The following SPTBN4 variants were observed in gnomAD, a reference collection of about 807,000 sequenced individuals.
The protein encoded by SPTBN4 is spectrin beta, non-erythrocytic 4, also known as spectrin beta chain, non-erythrocytic 4.
In SPTBN4, 96 loss-of-function variants were observed where a neutral mutation model predicts 277.8. That is an observed-to-expected ratio of 0.35 (90% CI 0.29 to 0.41). The LOEUF is 0.41. Ranked by LOEUF, SPTBN4 falls within the 10% of genes least tolerant of loss-of-function variation. The pLI is 1.00. For missense variants in SPTBN4, 3,006 were observed against 3,595.7 expected, an observed-to-expected ratio of 0.84 and a Z score of 4.19; for synonymous variants, 1,481 against 1,580.3, an observed-to-expected ratio of 0.94 and a Z score of 1.49.
chr19:40,492,373 G>A (rs2080148482), intron 4 of SPTBN4, among the ~76,000 whole-genome samples: 1 of 152,126 alleles, frequency 6.6e-6, no homozygotes, highest in Non-Finnish European at 1.5e-5. Flanking sequence ...GGACATTGGA[G>A]TTGGGGATGT....
chr19:40,488,188 C>A (rs544910903), intron 3 of SPTBN4, among the ~76,000 whole-genome samples: 5 of 151,792 alleles, frequency 3.3e-5, no homozygotes, highest in South Asian at 4.2e-4. Flanking sequence ...AGGGACTGGC[C>A]CGGGTTATGA....
At chr19:40,569,967 CACACACAG>C (rs752063720) in intron 32 of SPTBN4, among the ~76,000 whole-genome samples, 62 of 120,500 alleles carry the variant, frequency 5.1e-4, no homozygotes, top group African/African-American at 1.2e-3. Context: ...CACACACACA[CACACACAG>C]ACACACACAC....
chr19:40,527,937 T>A (rs1288817170), intron 17 of SPTBN4, among the ~76,000 whole-genome samples: 1 of 151,110 alleles, frequency 6.6e-6, no homozygotes, highest in Non-Finnish European at 1.5e-5. Context: ...GCGCCTGTAA[T>A]CCCAGCTAGT....
intron 27 of SPTBN4, among the ~76,000 whole-genome samples, chr19:40,564,129 C>G (rs560895107): frequency 6.6e-6 from 1 of 151,804 alleles, no homozygotes; most frequent in Non-Finnish European, 1.5e-5. Flanking sequence ...CCTAGGCAGG[C>G]GGATCAACTG....
Position 40,472,630 on chromosome 19 carries a change from G to A in SPTBN4, c.9G>A (p.Gln3=), listed in dbSNP as rs747766613. ...AGGCCTCACCTTCCCCGATGGCGCA[G>A]GTACCAGGGGAAGTGGACAACATGG... MA[Q]VPGEVDNMEG... Residue 3 remains glutamine (Q), a synonymous_variant, in exon 2 of 36, where the codon CAG becomes CAA. Coordinates refer to ENST00000598249, the MANE Select transcript of SPTBN4 (RefSeq NM_020971.3). 5.0e-6 allele frequency: 8 copies of A among 1,612,546 alleles called. No homozygotes were observed. The highest frequency in any genetic ancestry group is 6.8e-6 in the Non-Finnish European group (8 of 1,179,168).
Position 40,560,545 on chromosome 19 carries a change from A to C in SPTBN4, c.5915+142A>C, listed in dbSNP as rs747169049. ...GCCTCTGTGTGCTAGGCACTGTTCT[A>C]GGTGCTTCGTGTGTATTCAGACCCC... On this transcript the variant is annotated intron_variant, in intron 27 of 35. Transcript: ENST00000598249. This position sits in a 1 kb window ranked among gnomAD's most constrained non-coding sequence, Gnocchi z 5.2. 13 of 1,543,358 alleles carry C rather than the reference A, an allele frequency of 8.4e-6. No individual in the cohort carries two copies. Among genetic ancestry groups the C allele is most frequent in the Admixed American group, 1.9e-5 (1 of 53,808 alleles).
intron 2 of SPTBN4, among the ~76,000 whole-genome samples, chr19:40,478,659 C>T (rs984960749): frequency 6.6e-6 from 1 of 152,062 alleles, no homozygotes; most frequent in East Asian, 1.9e-4. Flanking sequence ...TGTTCTCCTT[C>T]CTCTGCCTCC....
intron 6 of SPTBN4, 120 bp from the exon 7 acceptor site, chr19:40,497,369 C>A: frequency 2.8e-6 from 2 of 718,626 alleles, no homozygotes; most frequent in Non-Finnish European, 4.9e-6. Flanking sequence ...TGCCCCTTGG[C>A]TAGACTGTGC....
intron 17 of SPTBN4, among the ~76,000 whole-genome samples, chr19:40,526,222 G>C (rs556489040): frequency 6.7e-6 from 1 of 149,758 alleles, no homozygotes; most frequent in South Asian, 2.1e-4. Context: ...ACCCAGGCAG[G>C]AGTGTAGTGG....
chr19:40,565,777 G>C lies in SPTBN4; in HGVS notation c.6139+32G>C, dbSNP rs371485132. 2.9e-5 allele frequency: 45 copies of C among 1,547,692 alleles called. No individual in the cohort carries two copies. In the African/African-American group the frequency reaches 5.9e-4, roughly 20 times the overall value. ...GGGGGCCCAGGCACACGTGGTTCAA[G>C]GGCACAGGGACATGCTCCAGCCTGT... On this transcript the variant is annotated intron_variant, in intron 29 of 35. Transcript: ENST00000598249.
chr19:40,529,282 C>A (rs535073737), intron 18 of SPTBN4, 151 bp downstream of exon 18: 2 of 704,246 alleles, frequency 2.8e-6, no homozygotes, highest in South Asian at 3.5e-5. Flanking sequence ...GGAGCCGGGT[C>A]TCAGTGCGCA....
intron 2 of SPTBN4, among the ~76,000 whole-genome samples, chr19:40,476,788 T>C (rs1228149223): frequency 6.6e-6 from 1 of 152,028 alleles, no homozygotes; most frequent in African/African-American, 2.4e-5. Flanking sequence ...GGGGTTTCAC[T>C]GTGTTAGCCA....
At chr19:40,509,797 A>C (rs111561230) in intron 13 of SPTBN4, among the ~76,000 whole-genome samples, 3,136 of 152,220 alleles carry the variant, frequency 0.021, 94 homozygotes, top group African/African-American at 0.065. Flanking sequence ...TTGATGGGGA[A>C]GTTTCTCACC....
At chr19:40,532,849 C>T (rs954187831) in intron 19 of SPTBN4, 78 bp downstream of exon 19, 46 of 1,477,880 alleles carry the variant, frequency 3.1e-5, no homozygotes, top group East Asian at 1.2e-4. Flanking sequence ...CTGCTGCACC[C>T]GCTGCTGCCA....
At chr19:40,497,815 A>C (rs553120735) in intron 7 of SPTBN4, among the ~76,000 whole-genome samples, 4 of 147,700 alleles carry the variant, frequency 2.7e-5, no homozygotes, top group African/African-American at 1.0e-4. Flanking sequence ...TACCATCCTC[A>C]CACCTCTTCC....
rs774779804 is a variant in SPTBN4 at position 40,554,154 on chromosome 19, G to T, written c.4682G>T (p.Arg1561Leu). ...CTTACCTCCTGCCCCCAGGGCCTGC[G>T]GCGGGAGATCCAGGCGCATGGGCCG... ...QQHIKKNQGLRREIQAHGPRL... is the reference protein window; with the variant it reads ...QQHIKKNQGLLREIQAHGPRL... Residue 1561 changes from arginine to leucine, a missense_variant, in exon 23 of 36, where the codon CGG becomes CTG. By Grantham distance (102) the Arg-to-Leu change is moderately radical. This residue lies in a region of SPTBN4 where 1,759 missense variants were observed against 2,061.5 expected (regional missense o/e 0.85). Transcript: ENST00000598249. This position sits in a 1 kb window ranked among gnomAD's most constrained non-coding sequence, Gnocchi z 5.7. 1 of 1,442,092 alleles carries T rather than the reference G, an allele frequency of 6.9e-7. No individual in the cohort carries two copies. Among genetic ancestry groups the T allele is most frequent in the South Asian group, 1.5e-5 (1 of 67,386 alleles). The allele number at this position is 1,442,092 out of a possible 1,614,324, so 89.3% of individuals were successfully genotyped here. A position where few individuals can be genotyped will look rare whatever the true frequency, so the allele number is the denominator to read the frequency against.
At chr19:40,497,412 C>A in intron 6 of SPTBN4, 77 bp from the exon 7 acceptor site, 2 of 1,064,250 alleles carry the variant, frequency 1.9e-6, no homozygotes, top group Non-Finnish European at 2.9e-6. Context: ...AGTGCTCAGA[C>A]AAGGGTGGCT....
intron 20 of SPTBN4, among the ~76,000 whole-genome samples, chr19:40,538,778 G>A (rs921431029): frequency 6.6e-6 from 1 of 152,076 alleles, no homozygotes; most frequent in Non-Finnish European, 1.5e-5. Flanking sequence ...TTATAGAGAC[G>A]GGGGCCTCAC....
chr19:40,574,518 T>C (rs534079043), intron 35 of SPTBN4, among the ~76,000 whole-genome samples: 1 of 151,998 alleles, frequency 6.6e-6, no homozygotes, highest in South Asian at 2.1e-4. Flanking sequence ...TGCGCCACCA[T>C]GCCCGGCTAA....
Sources: allele counts gnomAD v4.1 joint callset (sites outside exome capture counted in the v4.1 genomes callset), GRCh38; gene constraint gnomAD v4.1.1; regional missense constraint gnomAD v4.1.1; non-coding constraint Gnocchi (gnomAD v3.1); transcripts MANE v1.5; gene names NCBI Gene and HGNC (gene_info 2026-07-23, HGNC 2026-07-21).